TELO2: variants seen among roughly 807,000 people sequenced by gnomAD.
TELO2 encodes the protein telomere maintenance 2.
Under a neutral mutation model 91.0 loss-of-function variants are expected in TELO2, and 71 were observed. The ratio of observed to expected loss-of-function variants is 0.78; its 90% CI spans 0.64 to 0.95. TELO2 has a LOEUF of 0.95. TELO2 is among the 40% of genes least tolerant of loss of function. TELO2 has a pLI of 0.00. For missense variants in TELO2, 1,183 were observed against 1,141.3 expected (o/e 1.04, Z -0.53); for synonymous variants, 584 against 518.9 (o/e 1.13, Z -1.71).
chr16:1,497,815 G>A lies in TELO2; in HGVS notation c.830+307G>A, dbSNP rs1347278917. Among the ~76,000 whole-genome samples, 9 of 152,178 alleles carry A rather than the reference G, an allele frequency of 5.9e-5. No homozygotes were observed. Among genetic ancestry groups the A allele is most frequent in the Admixed American group, 5.9e-4 (9 of 15,278 alleles). Reference sequence around the variant, plus strand: ...TCCCCCTCGCACACGTGTGCACCATGTCCAGGCTCTGACATGGTGATGGGC... The same window carrying A: ...TCCCCCTCGCACACGTGTGCACCATATCCAGGCTCTGACATGGTGATGGGC... On this transcript the variant is annotated intron_variant, in intron 5 of 20. Transcript: ENST00000262319. The surrounding 1 kb of genome is among the most constrained non-coding windows in gnomAD (Gnocchi z 4.0).
At chr16:1,503,935 C>G (rs2039793678) in intron 15 of TELO2, among the ~76,000 whole-genome samples, 1 of 151,774 alleles carries the variant, frequency 6.6e-6, no homozygotes, top group South Asian at 2.1e-4. Context: ...AGTTTGAGAT[C>G]AACCTGGTCA....
chr16:1,500,529 C>T (rs774259397), intron 8 of TELO2, 34 bp from the exon 9 acceptor site: 40 of 1,609,862 alleles, frequency 2.5e-5, no homozygotes, highest in Middle Eastern at 1.7e-4. Context: ...TCGGGCGCCC[C>T]GAGGTGCTCA....
rs773851037 is a variant in TELO2, at chr16:1,505,363, T to C, written c.1843-47T>C. Reference sequence around the variant, plus strand: ...TGGCTGACTTGACTCTTGGGAAATGTTCTTCCCTGGAGCAGTGGCGACGGC... The same window carrying C: ...TGGCTGACTTGACTCTTGGGAAATGCTCTTCCCTGGAGCAGTGGCGACGGC... On this transcript the variant is annotated intron_variant, in intron 15 of 20. Coordinates refer to ENST00000262319, the MANE Select transcript of TELO2 (RefSeq NM_016111.4). The surrounding 1 kb of genome is among the most constrained non-coding windows in gnomAD (Gnocchi z 4.3). 5 of 1,569,448 alleles carry C rather than the reference T, an allele frequency of 3.2e-6. No individual in the cohort carries two copies. In the Admixed American group the frequency reaches 9.1e-5, roughly 29 times the overall value.
intron 20 of TELO2, among the ~76,000 whole-genome samples, chr16:1,509,335 G>GC (rs1307018772): frequency 1.3e-5 from 2 of 152,124 alleles, no homozygotes; most frequent in African/African-American, 2.4e-5. Flanking sequence ...GGCCAGCAGA[G>GC]CCCCCCCAAG....
intron 9 of TELO2, among the ~76,000 whole-genome samples, 193 bp downstream of exon 9, chr16:1,500,892 G>A (rs1349087564): frequency 6.6e-6 from 1 of 152,244 alleles, no homozygotes; most frequent in African/African-American, 2.4e-5. Flanking sequence ...ACACAGGGTC[G>A]GGTGAGCACA....
chr16:1,499,339 G>T lies in TELO2; in HGVS notation c.933+6G>T, dbSNP rs2039595855. The T allele has an allele frequency of 6.3e-7, 1 of 1,593,546 alleles. No individual in the cohort carries two copies. Among genetic ancestry groups the T allele is most frequent in the Non-Finnish European group, 8.5e-7 (1 of 1,174,062 alleles). On this transcript the variant is annotated splice_donor_region_variant and intron_variant, in intron 6 of 20. Coordinates refer to ENST00000262319, the MANE Select transcript of TELO2 (RefSeq NM_016111.4). ...TCTTACAGTCCCGGCTCACGGTGAG[G>T]ACGCCACGGAGGGTGCAGGCTGCTG...
At chr16:1,507,073 GGCGCC>G (rs1044283986) in intron 18 of TELO2, 22 bp downstream of exon 18, 10 of 1,585,116 alleles carry the variant, frequency 6.3e-6, no homozygotes, top group Non-Finnish European at 8.6e-6. Context: ...GAGGTCGCCG[GGCGCC>G]GGCCTGTGCT....
Position 1,494,335 on chromosome 16 carries a change from C to T in TELO2, c.54C>T (p.Ala18=), listed in dbSNP as rs1567290342. The T allele has an allele frequency of 1.2e-6, 2 of 1,613,712 alleles. No individual in the cohort carries two copies. Among genetic ancestry groups the T allele is most frequent in the Non-Finnish European group, 1.7e-6 (2 of 1,180,026 alleles). The change falls in exon 2 of 21, where the codon GCC becomes GCT. Residue 18 remains alanine (A), a synonymous_variant. Transcript: ENST00000262319. The surrounding 1 kb of genome is among the most constrained non-coding windows in gnomAD (Gnocchi z 5.6). ...TCGCCGTCCGGGAAGCCATTCATGC[C>T]CTCTCGTCTTCGGAGGATGGCGGCC... ...VRLAVREAIH[A]LSSSEDGGHI...
chr16:1,503,410 G>A (rs2039776269), intron 15 of TELO2, among the ~76,000 whole-genome samples: 1 of 152,130 alleles, frequency 6.6e-6, no homozygotes, highest in African/African-American at 2.4e-5. Flanking sequence ...TATTAGCCAA[G>A]TGTGGTGGTG....
Position 1,495,491 on chromosome 16 carries a change from G to C in TELO2, c.481G>C (p.Val161Leu). The C allele has an allele frequency of 6.2e-7, 1 of 1,610,998 alleles. No individual in the cohort carries two copies. The highest frequency in any genetic ancestry group is 2.2e-5 in the East Asian group (1 of 44,874). The change falls in exon 3 of 21, where the codon GTG becomes CTG. Residue 161 changes from valine (V) to leucine (L), a missense_variant. Transcript: ENST00000262319. ...CCGGGAGACGCTGCTGGGCAAGGTG[G>C]TGGCCCTGCCCGATCACCTGGGCAA... ...LLRETLLGKVVALPDHLGNRL... is the reference protein window; with the variant it reads ...LLRETLLGKVLALPDHLGNRL...
intron 16 of TELO2, among the ~76,000 whole-genome samples, chr16:1,506,014 G>A (rs904982568): frequency 6.6e-6 from 1 of 152,224 alleles, no homozygotes; most frequent in African/African-American, 2.4e-5. Context: ...TGTCCTGCCT[G>A]CAAGTTCGGG....
chr16:1,505,651 T>TGGGGGGGG lies in TELO2; in HGVS notation c.2034+53_2034+54insGGGGGGGG. The TGGGGGGGG allele has an allele frequency of 1.4e-6, 1 of 711,338 alleles. No homozygotes were observed. The highest frequency in any genetic ancestry group is 2.3e-6 in the Non-Finnish European group (1 of 431,202). The allele number at this position is 711,338 out of a possible 1,614,324, so 44.1% of individuals were successfully genotyped here. On this transcript the variant is annotated intron_variant, in intron 16 of 20. Coordinates refer to ENST00000262319, the MANE Select transcript of TELO2 (RefSeq NM_016111.4). The surrounding 1 kb of genome is among the most constrained non-coding windows in gnomAD (Gnocchi z 4.3). ...CACGGGCATGGGGACCGTGGGTGGG[T>TGGGGGGGG]GGGAAGGGCGGTCAGACACCTCCAG...
intron 15 of TELO2, among the ~76,000 whole-genome samples, chr16:1,504,008 C>T (rs890301638): frequency 1.3e-5 from 2 of 151,682 alleles, no homozygotes; most frequent in Non-Finnish European, 2.9e-5. Context: ...CGCCTGTGGT[C>T]CCTGCTACTC....
rs2142441588 is a variant in TELO2, at chr16:1,493,570, C to T, written c.-72C>T. 6.6e-6 allele frequency: 1 copy of T among 152,326 alleles called. No homozygotes were observed. Among genetic ancestry groups the T allele is most frequent in the Admixed American group, 6.5e-5 (1 of 15,310 alleles). 9.4% of individuals were successfully genotyped at this position (152,326 alleles called of 1,614,324 possible). ...GCAGCGAATCGGTGGCGCGCGGCGC[C>T]TGAGCGCGCTGCAGTCACCCGGGAG... On this transcript the variant is annotated 5_prime_UTR_variant, in exon 1 of 21. Transcript: ENST00000262319. This position sits in a 1 kb window ranked among gnomAD's most constrained non-coding sequence, Gnocchi z 4.3.
intron 20 of TELO2, among the ~76,000 whole-genome samples, chr16:1,508,519 G>A (rs570045207): frequency 5.3e-5 from 8 of 152,316 alleles, no homozygotes; most frequent in South Asian, 4.1e-4. Context: ...ATACCGCCTC[G>A]GTTTCCACGT....
chr16:1,500,352 G>T lies in TELO2; in HGVS notation c.1008G>T (p.Leu336=). ...GTGGGCCATGCCACCTGCAGGTGCTGAAGGAGCTGTTGGAGACGTGGGGCA... is the reference window on the plus strand; with the variant it reads ...GTGGGCCATGCCACCTGCAGGTGCTTAAGGAGCTGTTGGAGACGTGGGGCA... ...SQRRPLLLQV[L]KELLETWGSS... The change falls in exon 8 of 21, where the codon CTG becomes CTT. Residue 336 remains leucine, a synonymous_variant. Coordinates refer to ENST00000262319, the MANE Select transcript of TELO2 (RefSeq NM_016111.4). The T allele has an allele frequency of 6.3e-7, 1 of 1,589,274 alleles. No homozygotes were observed. The highest frequency in any genetic ancestry group is 1.3e-5 in the African/African-American group (1 of 74,708).
At chr16:1,506,007 C>T (rs2039879478) in intron 16 of TELO2, among the ~76,000 whole-genome samples, 1 of 152,242 alleles carries the variant, frequency 6.6e-6, no homozygotes, top group Non-Finnish European at 1.5e-5. Flanking sequence ...CCTTGAATGT[C>T]CTGCCTGCAA....
intron 3 of TELO2, 110 bp downstream of exon 3, chr16:1,495,733 T>C: frequency 1.4e-6 from 2 of 1,430,582 alleles, no homozygotes; most frequent in Non-Finnish European, 1.9e-6. Flanking sequence ...CTCTGGTTGA[T>C]GCCGTCAGGC....
chr16:1,502,625 G>C lies in TELO2; in HGVS notation c.1654-20G>C. On this transcript the variant is annotated intron_variant, in intron 13 of 20. Coordinates refer to ENST00000262319, the MANE Select transcript of TELO2 (RefSeq NM_016111.4). ...GCAGCTGGGTCCGACAGGTTTCCCA[G>C]CCCTAACCCCTGCGTGCAGGTGAGC... The C allele has an allele frequency of 6.2e-7, 1 of 1,608,226 alleles. No homozygotes were observed.
Sources: allele counts gnomAD v4.1 joint callset (sites outside exome capture counted in the v4.1 genomes callset), GRCh38; gene constraint gnomAD v4.1.1; non-coding constraint Gnocchi (gnomAD v3.1); transcripts MANE v1.5; gene names NCBI Gene and HGNC (gene_info 2026-07-23, HGNC 2026-07-21).